Variants in SEMA3A observed in about 807,000 individuals in gnomAD.
SEMA3A encodes the protein semaphorin 3A, also known as semaphorin-3A.
Under a neutral mutation model 97.9 loss-of-function variants are expected in SEMA3A, and 29 were observed. The observed-to-expected ratio is 0.30, with a 90% CI of 0.22 to 0.40. The LOEUF is 0.40. Ranked by LOEUF, SEMA3A falls within the 10% of genes least tolerant of loss-of-function variation. The pLI is 1.00. For missense variants in SEMA3A, 763 were observed against 951.3 expected (o/e 0.80, Z 2.60); for synonymous variants, 321 against 323.7 (o/e 0.99, Z 0.09).
intron 6 of SEMA3A, among the ~76,000 whole-genome samples, chr7:84,031,477 C>T (rs1013974947): frequency 9.9e-5 from 15 of 152,054 alleles, no homozygotes; most frequent in African/African-American, 3.6e-4. Flanking sequence ...ACCAAACAAA[C>T]AAAACCACTA....
chr7:84,029,129 G>A (rs1791650282), intron 6 of SEMA3A, among the ~76,000 whole-genome samples: 1 of 152,070 alleles, frequency 6.6e-6, no homozygotes, highest in African/African-American at 2.4e-5. Context: ...TAGACTAAAT[G>A]GATATATCAA....
At chr7:84,101,439 G>A (rs571854211) in intron 4 of SEMA3A, among the ~76,000 whole-genome samples, 42 of 152,132 alleles carry the variant, frequency 2.8e-4, no homozygotes, top group Admixed American at 1.9e-3. Context: ...TGCAAAATTT[G>A]AAGTTTTCAC....
At chr7:83,983,259 C>A (rs1789500200) in intron 13 of SEMA3A, among the ~76,000 whole-genome samples, 2 of 143,386 alleles carry the variant, frequency 1.4e-5, no homozygotes, top group African/African-American at 5.2e-5. Context: ...TTCTTTCTTT[C>A]TTTTTCTTTC....
At chr7:84,311,143 A>G (rs1195809628) in intron 2 of SEMA3A, among the ~76,000 whole-genome samples, 1 of 151,970 alleles carries the variant, frequency 6.6e-6, no homozygotes, top group Non-Finnish European at 1.5e-5. Context: ...ATCTGAAAAT[A>G]CTTGTTAAAC....
chr7:84,387,984 T>A (rs1803442493), intron 1 of SEMA3A, among the ~76,000 whole-genome samples: 1 of 151,802 alleles, frequency 6.6e-6, no homozygotes, highest in Admixed American at 6.6e-5. Context: ...AAATAACCTA[T>A]TCAGATGAAA....
At chr7:84,222,739 C>G (rs1436208939) in intron 3 of SEMA3A, among the ~76,000 whole-genome samples, 1 of 151,754 alleles carries the variant, frequency 6.6e-6, no homozygotes, top group Non-Finnish European at 1.5e-5. Flanking sequence ...ATATTGTCAG[C>G]CTTATTCATT....
At position 84,323,114 on chromosome 7, in the gene SEMA3A, C is replaced by T. The variant is rs1428799992; in HGVS notation, c.-168-15822G>A. 3.9e-5 allele frequency among the ~76,000 whole-genome samples: 6 copies of T among 152,142 alleles called. 1 individual carries two copies. The East Asian group carries it at 5.8e-4, about 15-fold the overall frequency. On this transcript the variant is annotated intron_variant, in intron 2 of 3. Coordinates refer to the SEMA3A transcript ENST00000424555. ...CTATTTAAATGAACATGATCAAATA[C>T]TATGATTAAATGCATAATAAATGCT... is the stretch of plus-strand genomic sequence containing the variant.
intron 3 of SEMA3A, among the ~76,000 whole-genome samples, chr7:84,224,802 AC>A (rs1326793923): frequency 6.6e-6 from 1 of 151,978 alleles, no homozygotes; most frequent in East Asian, 1.9e-4. Flanking sequence ...TTATAGACAG[AC>A]CTTTTTCCCA....
intron 13 of SEMA3A, among the ~76,000 whole-genome samples, chr7:83,983,210 T>C (rs182612194): frequency 6.7e-6 from 1 of 148,204 alleles, no homozygotes; most frequent in East Asian, 1.9e-4. Flanking sequence ...TTTCTCTTTC[T>C]TTCCTTTTCT....
chr7:84,378,112 G>GATT (rs1208882930), intron 1 of SEMA3A, among the ~76,000 whole-genome samples: 1 of 151,970 alleles, frequency 6.6e-6, no homozygotes, highest in African/African-American at 2.4e-5. Context: ...GGTGAGAACA[G>GATT]ATTATCTAAG....
intron 1 of SEMA3A, among the ~76,000 whole-genome samples, chr7:84,448,951 A>G (rs1805492764): frequency 6.6e-6 from 1 of 152,200 alleles, no homozygotes; most frequent in Admixed American, 6.5e-5. Flanking sequence ...GTAAATATAT[A>G]TAAACAAATA....
chr7:84,090,071 A>T (rs62477290), intron 4 of SEMA3A, among the ~76,000 whole-genome samples: 62,708 of 151,856 alleles, frequency 0.41, 14,815 homozygotes, highest in Admixed American at 0.52. Context: ...AAAGATTTTG[A>T]AGTTTAATCC....
chr7:84,137,552 G>A (rs917485287), intron 1 of SEMA3A, among the ~76,000 whole-genome samples: 1 of 151,828 alleles, frequency 6.6e-6, no homozygotes, highest in African/African-American at 2.4e-5. Context: ...CCAGAGGCAC[G>A]GGCTGTATCA....
chr7:84,142,956 G>C (rs918204401), intron 1 of SEMA3A, among the ~76,000 whole-genome samples: 8 of 151,260 alleles, frequency 5.3e-5, no homozygotes, highest in African/African-American at 2.0e-4. Context: ...AATCATTACA[G>C]ACCCATGCAA....
At chr7:84,061,410 A>C (rs1482174167) in intron 4 of SEMA3A, among the ~76,000 whole-genome samples, 1 of 152,178 alleles carries the variant, frequency 6.6e-6, no homozygotes, top group Non-Finnish European at 1.5e-5. Flanking sequence ...GTGTCTACCT[A>C]CTGCACTCTA....
At chr7:84,051,256 G>C (rs1056739053) in intron 5 of SEMA3A, among the ~76,000 whole-genome samples, 4 of 152,046 alleles carry the variant, frequency 2.6e-5, no homozygotes, top group African/African-American at 9.6e-5. Flanking sequence ...GAAAGTGATT[G>C]GTAGCTTGAT....
At chr7:84,485,345 C>T (rs983806282) in intron 1 of SEMA3A, among the ~76,000 whole-genome samples, 5 of 150,922 alleles carry the variant, frequency 3.3e-5, no homozygotes, top group African/African-American at 1.2e-4. Context: ...TAGCTGAGAG[C>T]ACACATGAAA....
At chr7:83,995,119 G>A (rs779462287) in intron 12 of SEMA3A, among the ~76,000 whole-genome samples, 9 of 152,116 alleles carry the variant, frequency 5.9e-5, no homozygotes, top group Non-Finnish European at 1.3e-4. Context: ...CTCGGAAAAG[G>A]AACTCCCTGA....
chr7:84,177,066 A>G (rs1381457285), intron 1 of SEMA3A, among the ~76,000 whole-genome samples: 1 of 152,178 alleles, frequency 6.6e-6, no homozygotes, highest in Non-Finnish European at 1.5e-5. Flanking sequence ...AAAAGTAAAA[A>G]GGACATGATG....
Sources: gnomAD v4.1 joint callset for allele counts (sites outside exome capture counted in the v4.1 genomes callset) on GRCh38, gnomAD v4.1.1 for gene constraint, MANE v1.5 for transcripts, NCBI Gene and HGNC (gene_info 2026-07-23, HGNC 2026-07-21) for gene names.